Variants in DNHD1 observed in about 807,000 individuals in gnomAD.
DNHD1 encodes dynein heavy chain domain 1.
DNHD1 carries 383 observed loss-of-function variants against 458.1 expected under a neutral mutation model. That is an observed-to-expected ratio of 0.84 (90% confidence interval 0.77 to 0.91). DNHD1 has a LOEUF of 0.91. Ranked by LOEUF, DNHD1 falls within the 40% of genes least tolerant of loss-of-function variation. DNHD1 has a pLI of 0.00. For missense variants in DNHD1, 5,336 were observed against 5,866.1 expected (o/e 0.91, Z 2.95); for synonymous variants, 2,203 against 2,376.9 (o/e 0.93, Z 2.13).
At chr11:6,562,795 G>A (rs560068051) in intron 28 of DNHD1, among the ~76,000 whole-genome samples, 187 bp from the exon 29 acceptor site, 83 of 152,308 alleles carry the variant, frequency 5.4e-4, no homozygotes, top group South Asian at 3.3e-3. Flanking sequence ...TGCGTTACTA[G>A]ATATATAACT....
At chr11:6,507,743 A>C (rs977413378) in intron 4 of DNHD1, among the ~76,000 whole-genome samples, 2 of 152,202 alleles carry the variant, frequency 1.3e-5, no homozygotes, top group African/African-American at 4.8e-5. Context: ...TGAGTCAGGT[A>C]ACTTTGGTTT....
At chr11:6,522,572 T>G (rs974265626) in intron 10 of DNHD1, among the ~76,000 whole-genome samples, 13 of 151,862 alleles carry the variant, frequency 8.6e-5, no homozygotes, top group African/African-American at 2.9e-4. Flanking sequence ...GTGATAGGAG[T>G]TTACCTATAT....
rs1460597366 is a variant in DNHD1 at position 6,558,154 on chromosome 11, A to C, written c.8859A>C (p.Thr2953=). ...LLVPSGVDLT[T]LHRLLALATS... is the part of the protein sequence containing the mutation. ...TACCCAGTGGTGTGGATCTCACTACACTTCATCGCCTCCTGGCCCTGGCAA... is the reference window on the plus strand; with the variant it reads ...TACCCAGTGGTGTGGATCTCACTACCCTTCATCGCCTCCTGGCCCTGGCAA... The change falls in exon 25 of 43, where the codon ACA becomes ACC. Residue 2953 remains threonine, a synonymous_variant. Coordinates refer to ENST00000254579, the MANE Select transcript of DNHD1 (RefSeq NM_144666.3). The C allele has an allele frequency of 1.3e-6, 2 of 1,541,582 alleles. No individual in the cohort carries two copies. Among genetic ancestry groups the C allele is most frequent in the African/African-American group, 2.9e-5 (2 of 69,986 alleles).
Position 6,567,197 on chromosome 11 carries a change from G to A in DNHD1, c.11688G>A (p.Glu3896=), listed in dbSNP as rs747384049. 3.1e-6 allele frequency: 5 copies of A among 1,614,038 alleles called. 1 individual carries two copies. The highest frequency in any genetic ancestry group is 3.3e-4 in the Middle Eastern group (2 of 6,062). ...CTCTGGACAGCATGAAGCCACGTGA[G>A]ATTAATCACGGGGAGGACCTGGCCA... ...KQALDSMKPR[E]INHGEDLASH... is the part of the protein sequence containing the mutation. The change falls in exon 36 of 43, where the codon GAG becomes GAA. Residue 3896 remains glutamate, a synonymous_variant. Coordinates refer to ENST00000254579, the MANE Select transcript of DNHD1 (RefSeq NM_144666.3).
chr11:6,542,455 A>G (rs1200262279), intron 18 of DNHD1, among the ~76,000 whole-genome samples: 1 of 152,262 alleles, frequency 6.6e-6, no homozygotes, highest in Non-Finnish European at 1.5e-5. Flanking sequence ...CTGAGCTCAC[A>G]GCCCTTCCTC....
In DNHD1 at chr11:6,571,786, A is replaced by C; in HGVS notation, c.14062A>C (p.Thr4688Pro). The C allele has an allele frequency of 6.2e-7, 1 of 1,613,980 alleles. No individual in the cohort carries two copies. Among genetic ancestry groups the C allele is most frequent in the Admixed American group, 1.7e-5 (1 of 60,016 alleles). The change falls in exon 43 of 43, where the codon ACA becomes CCA. Residue 4688 changes from threonine to proline, a missense_variant. By Grantham distance (38) the Thr-to-Pro change is conservative. Around this residue, in one of 4 missense-constraint regions of DNHD1, gnomAD observed 698 missense variants for 664.9 expected, o/e 1.05. Coordinates refer to ENST00000254579, the MANE Select transcript of DNHD1 (RefSeq NM_144666.3). The surrounding 1 kb of genome is among the most constrained non-coding windows in gnomAD (Gnocchi z 5.0). ...PSPLPPVSIS[T>P]QAPGTSDLPA... ...CCCTCTGCCTCCCGTCAGCATCAGC[A>C]CACAGGCCCCGGGCACCAGTGACCT...
intron 24 of DNHD1, among the ~76,000 whole-genome samples, chr11:6,554,486 C>G (rs114216369): frequency 6.6e-6 from 1 of 151,706 alleles, no homozygotes; most frequent in African/African-American, 2.4e-5. Flanking sequence ...GACACTGTTA[C>G]GAAAATGAAA....
Position 6,567,704 on chromosome 11 carries a change from T to C in DNHD1, c.12195T>C (p.Gly4065=). 4 of 1,613,900 alleles carry C rather than the reference T, an allele frequency of 2.5e-6. No homozygotes were observed. The highest frequency in any genetic ancestry group is 3.4e-6 in the Non-Finnish European group (4 of 1,179,888). ...CAGACTTCACCACTAGCCTCCTGGGTCGGCCCCTGGATGAAAACACGTATG... is the reference window on the plus strand; with the variant it reads ...CAGACTTCACCACTAGCCTCCTGGGCCGGCCCCTGGATGAAAACACGTATG... ...ALADFTTSLL[G]RPLDENTYAP... The change falls in exon 36 of 43, where the codon GGT becomes GGC. Residue 4065 remains glycine, a synonymous_variant. Transcript: ENST00000254579.
intron 10 of DNHD1, chr11:6,520,907 T>TTCTA (rs10648616): frequency 0.2 from 186,566 of 954,658 alleles, 19,301 homozygotes; most frequent in South Asian, 0.22. Flanking sequence ...CTCATTCAAC[T>TTCTA]TCTATCTGTT....
chr11:6,498,465 C>T lies in DNHD1; in HGVS notation c.250C>T (p.Leu84Phe), dbSNP rs1392062087. 1 of 1,614,232 alleles carries T rather than the reference C, an allele frequency of 6.2e-7. No homozygotes were observed. The highest frequency in any genetic ancestry group is 1.7e-5 in the Admixed American group (1 of 60,020). ...QDSSPAAWRY[L>F]HAVLGLLPPY... ...CAGTAGCCCTGCAGCTTGGCGCTATCTTCATGCAGTACTGGGTCTACTGCC... is the reference window on the plus strand; with the variant it reads ...CAGTAGCCCTGCAGCTTGGCGCTATTTTCATGCAGTACTGGGTCTACTGCC... Residue 84 changes from leucine to phenylalanine, a missense_variant, in exon 3 of 43, where the codon CTT (leucine) becomes TTT (phenylalanine). By Grantham distance (22) the Leu-to-Phe change is conservative. Coordinates refer to ENST00000254579, the MANE Select transcript of DNHD1 (RefSeq NM_144666.3).
In DNHD1 at chr11:6,520,053, T is replaced by C. The variant is rs1404665542; in HGVS notation, c.1736T>C (p.Ile579Thr). 2 of 1,614,170 alleles carry C rather than the reference T, an allele frequency of 1.2e-6. No individual in the cohort carries two copies. The highest frequency in any genetic ancestry group is 1.7e-6 in the Non-Finnish European group (2 of 1,180,032). ...CATGTGCCCTGTGTTGAAAATATGA[T>C]CCAGACTCTAACTGGAGGCCTACAG... The part of the protein sequence containing the change: ...LSHVPCVENM[I>T]QTLTGGLQSV... The change falls in exon 9 of 43, where the codon ATC becomes ACC. Residue 579 changes from isoleucine to threonine, a missense_variant. Around this residue, in one of 4 missense-constraint regions of DNHD1, gnomAD observed 3,932 missense variants for 4,365.6 expected, o/e 0.90. Coordinates refer to ENST00000254579, the MANE Select transcript of DNHD1 (RefSeq NM_144666.3).
At chr11:6,528,436 T>TGTGTAA in intron 10 of DNHD1, 86 bp from the exon 11 acceptor site, 1 of 1,160,176 alleles carries the variant, frequency 8.6e-7, no homozygotes, top group Non-Finnish European at 1.2e-6. Flanking sequence ...TGTGTGTGTG[T>TGTGTAA]ACACACACTG....
Position 6,570,078 on chromosome 11 carries a change from T to C in DNHD1, c.12933T>C (p.Arg4311=), listed in dbSNP as rs757870171. 6.2e-7 allele frequency: 1 copy of C among 1,613,888 alleles called. No individual in the cohort carries two copies. ...TGTGGGCAAGTCTTAGCAATCCCCG[T>C]GCTGCCATGCAAGAGCTGGCTGGTG... ...DQLWASLSNP[R]AAMQELAASV... The change falls in exon 40 of 43, where the codon CGT becomes CGC. Residue 4311 remains arginine (R), a synonymous_variant. Transcript: ENST00000254579.
Position 6,528,874 on chromosome 11 carries a change from T to A in DNHD1, c.2104-4T>A, listed in dbSNP as rs376724916. The A allele has an allele frequency of 2.6e-4, 405 of 1,551,632 alleles. 1 individual carries two copies. Among genetic ancestry groups the A allele is most frequent in the Non-Finnish European group, 3.2e-4 (368 of 1,146,948 alleles). ...TCTGCCCTAAACACCTTGTCTGCCC[T>A]TAGGGCGTGCTGTGCAAGGTGCAGG... On this transcript the variant is annotated splice_polypyrimidine_tract_variant and splice_region_variant and intron_variant, in intron 11 of 42. Coordinates refer to ENST00000254579, the MANE Select transcript of DNHD1 (RefSeq NM_144666.3).
At chr11:6,514,540 T>TCTCCCTCCCTCTCTTCCTCC (rs1376411684) in intron 7 of DNHD1, among the ~76,000 whole-genome samples, 8 of 149,460 alleles carry the variant, frequency 5.4e-5, no homozygotes, top group African/African-American at 2.0e-4. Context: ...TCCCTTTTTC[T>TCTCCCTCCCTCTCTTCCTCC]CTCCCTCCCT....
chr11:6,544,348 G>C lies in DNHD1; in HGVS notation c.3754+102G>C, dbSNP rs1016033390. 11 of 1,362,822 alleles carry C rather than the reference G, an allele frequency of 8.1e-6. 1 individual carries two copies. In the African/African-American group the frequency reaches 1.2e-4, roughly 14 times the overall value. 84.4% of individuals were successfully genotyped at this position (1,362,822 alleles called of 1,614,324 possible). On this transcript the variant is annotated intron_variant, in intron 19 of 42. Coordinates refer to ENST00000254579, the MANE Select transcript of DNHD1 (RefSeq NM_144666.3). The stretch of plus-strand genomic sequence containing the variant: ...GAGGTTGGGTGGGAGAAGATATGAA[G>C]AACACAGTGAGGACCTCCTTCAGGG...
rs772664290 is a variant in DNHD1 at position 6,509,067 on chromosome 11, C to T, written c.1108C>T (p.Arg370Cys). 50 of 1,614,062 alleles carry T rather than the reference C, an allele frequency of 3.1e-5. No homozygotes were observed. Among genetic ancestry groups the T allele is most frequent in the Non-Finnish European group, 3.9e-5 (46 of 1,180,042 alleles). Residue 370 changes from arginine to cysteine, a missense_variant, in exon 5 of 43, where the codon CGC (arginine) becomes TGC (cysteine). This residue lies in a region of DNHD1 where 3,932 missense variants were observed against 4,365.6 expected (regional missense o/e 0.90). Transcript: ENST00000254579. The part of the protein sequence containing the change: ...FIPFFKYCLL[R>C]KSFTCWKKNV... ...TCCATTCTTTAAGTATTGCCTCTTA[C>T]GCAAGTCCTTTACCTGGTAGGTAAT... is the stretch of plus-strand genomic sequence containing the variant.
chr11:6,536,623 ATT>A (rs201331881), intron 14 of DNHD1, among the ~76,000 whole-genome samples: 23 of 151,880 alleles, frequency 1.5e-4, no homozygotes, highest in African/African-American at 5.3e-4. Context: ...AAGGTACACA[ATT>A]TTTTTTTACT....
chr11:6,545,393 CCAAGCAAAA>C lies in DNHD1; in HGVS notation c.4459_4467del (p.Gln1487_Lys1489del), dbSNP rs1442532492. The C allele has an allele frequency of 1.3e-6, 2 of 1,551,768 alleles. No homozygotes were observed. Among genetic ancestry groups the C allele is most frequent in the South Asian group, 2.4e-5 (2 of 84,064 alleles). ...CTAGGTGAGGCCCTCAAGCAACTGC[CCAAGCAAAA>C]CAAGTTGTACCTGCAACTGTATGTC... On this transcript the variant is annotated inframe_deletion, in exon 21 of 43. Transcript: ENST00000254579. The surrounding 1 kb of genome is among the most constrained non-coding windows in gnomAD (Gnocchi z 4.9).
Sources: allele counts gnomAD v4.1 joint callset (sites outside exome capture counted in the v4.1 genomes callset), GRCh38; gene constraint gnomAD v4.1.1; regional missense constraint gnomAD v4.1.1; non-coding constraint Gnocchi (gnomAD v3.1); transcripts MANE v1.5; gene names NCBI Gene and HGNC (gene_info 2026-07-23, HGNC 2026-07-21).